The following TBCD variants were observed in gnomAD, a reference collection of about 807,000 sequenced individuals.
The protein encoded by TBCD is tubulin-specific chaperone D.
Under a neutral mutation model 169.3 loss-of-function variants are expected in TBCD, and 105 were observed. The observed-to-expected ratio is 0.62, with a 90% CI of 0.53 to 0.73. The LOEUF is 0.73. TBCD is among the 30% of genes least tolerant of loss of function. The pLI is 0.00. For missense variants in TBCD, 1,444 were observed against 1,600.1 expected (o/e 0.90, Z 1.66); for synonymous variants, 700 against 643.9 (o/e 1.09, Z -1.32).
intron 13 of TBCD, among the ~76,000 whole-genome samples, 191 bp from the exon 14 acceptor site, chr17:82,870,033 G>A (rs374286192): frequency 6.6e-6 from 1 of 152,156 alleles, no homozygotes; most frequent in South Asian, 2.1e-4. Flanking sequence ...TCTTCCTTTC[G>A]TAGGTTTGTT....
intron 23 of TBCD, among the ~76,000 whole-genome samples, chr17:82,914,739 C>CTG (rs10675262): frequency 0.08 from 12,145 of 152,226 alleles, 1,225 homozygotes; most frequent in African/African-American, 0.24. Flanking sequence ...CCAGGAGACT[C>CTG]TGGCCTGCAG....
intron 7 of TBCD, among the ~76,000 whole-genome samples, chr17:82,787,818 G>A (rs2049421730): frequency 6.6e-6 from 1 of 152,164 alleles, no homozygotes; most frequent in African/African-American, 2.4e-5. Flanking sequence ...CAAGTGTTTG[G>A]CAATGTAATT....
At position 82,831,769 on chromosome 17, in the gene TBCD, C is replaced by G. The variant is rs148428063; in HGVS notation, c.1318+16835C>G. ...GGGGTGCATGTAAGGGGAAATGGCCCCAAGCCCCTTTGTAGATGAGATTTT... is the reference window on the plus strand; with the variant it reads ...GGGGTGCATGTAAGGGGAAATGGCCGCAAGCCCCTTTGTAGATGAGATTTT... On this transcript the variant is annotated intron_variant, in intron 13 of 38. Transcript: ENST00000355528. The surrounding 1 kb of genome is among the most constrained non-coding windows in gnomAD (Gnocchi z 4.6). 6.2e-7 allele frequency: 1 copy of G among 1,614,110 alleles called. No individual in the cohort carries two copies. The highest frequency in any genetic ancestry group is 1.7e-5 in the Admixed American group (1 of 60,014).
intron 13 of TBCD, among the ~76,000 whole-genome samples, chr17:82,856,987 G>C (rs1329299022): frequency 2.0e-5 from 3 of 151,890 alleles, no homozygotes; most frequent in Non-Finnish European, 4.4e-5. Context: ...ATCCAGGGCG[G>C]GATCGCTGGA....
chr17:82,759,451 A>G (rs2047631187), intron 2 of TBCD, among the ~76,000 whole-genome samples: 1 of 151,960 alleles, frequency 6.6e-6, no homozygotes, highest in Non-Finnish European at 1.5e-5. Flanking sequence ...GTGCCACTGC[A>G]CTCCAGCGTG....
intron 38 of TBCD, chr17:82,941,773 G>T (rs2063302753): frequency 4.3e-6 from 2 of 461,654 alleles, no homozygotes; most frequent in African/African-American, 2.0e-5. Flanking sequence ...CTGGCCCTGG[G>T]GTCTGTTTGT....
At chr17:82,778,024 T>A (rs1333684760) in intron 6 of TBCD, among the ~76,000 whole-genome samples, 1 of 152,242 alleles carries the variant, frequency 6.6e-6, no homozygotes, top group Non-Finnish European at 1.5e-5. Context: ...CGCACTCTTG[T>A]CTTCTGGTCA....
chr17:82,772,445 C>CTT lies in TBCD; in HGVS notation c.583-6_583-5dup, dbSNP rs762336259. On this transcript the variant is annotated splice_region_variant and splice_polypyrimidine_tract_variant and intron_variant, in intron 5 of 38. Coordinates refer to ENST00000355528, the MANE Select transcript of TBCD (RefSeq NM_005993.5). ...TGACCGTGTCTGTGCTTCACCCTTTCTTGCAGTCCTACTTGATTGTCAGTG... is the reference window on the plus strand; with the variant it reads ...TGACCGTGTCTGTGCTTCACCCTTTCTTTTGCAGTCCTACTTGATTGTCAGTG... 3.0e-5 allele frequency: 48 copies of CTT among 1,613,822 alleles called. No homozygotes were observed. Among genetic ancestry groups the CTT allele is most frequent in the Non-Finnish European group, 2.3e-5 (27 of 1,179,890 alleles).
intron 16 of TBCD, among the ~76,000 whole-genome samples, chr17:82,891,188 C>T (rs1446334920): frequency 6.6e-6 from 1 of 152,266 alleles, no homozygotes; most frequent in African/African-American, 2.4e-5. Flanking sequence ...CTGAGCTGAC[C>T]AGCCTCCCTG....
chr17:82,774,038 C>CTTTTT (rs34066502), intron 6 of TBCD, among the ~76,000 whole-genome samples: 1 of 138,536 alleles, frequency 7.2e-6, no homozygotes, highest in African/African-American at 2.7e-5. Flanking sequence ...CCGAGTGTGT[C>CTTTTT]TTTTTTTTTT....
At chr17:82,777,461 ATAT>A (rs1210128715) in intron 6 of TBCD, among the ~76,000 whole-genome samples, 1 of 152,190 alleles carries the variant, frequency 6.6e-6, no homozygotes, top group Non-Finnish European at 1.5e-5. Context: ...GGCTGCACTG[ATAT>A]TATTGGATAC....
Position 82,943,269 on chromosome 17 carries a change from C to G in TBCD, c.*806C>G, listed in dbSNP as rs2063458134. 1 of 152,308 alleles carries G rather than the reference C, an allele frequency of 6.6e-6. No homozygotes were observed. Among genetic ancestry groups the G allele is most frequent in the South Asian group, 2.1e-4 (1 of 4,830 alleles). 9.4% of individuals were successfully genotyped at this position (152,308 alleles called of 1,614,324 possible). A position where few individuals can be genotyped will look rare whatever the true frequency, so the allele number is the denominator to read the frequency against. ...CAGGAGGCTACCTTTGTCTCTGTGT[C>G]TGAGCTCGTGCTGATCCATCCCAAA... On this transcript the variant is annotated 3_prime_UTR_variant, in exon 39 of 39. Transcript: ENST00000355528.
At chr17:82,753,419 C>T (rs2143730998) in intron 1 of TBCD, among the ~76,000 whole-genome samples, 1 of 146,766 alleles carries the variant, frequency 6.8e-6, no homozygotes, top group South Asian at 2.2e-4. Flanking sequence ...ATTTTTTGTT[C>T]CTGGTGTAAC....
chr17:82,872,932 TTCTGAGCCAGGCCCGGCACCTCGTGGCC>T (rs1423037921), intron 14 of TBCD, among the ~76,000 whole-genome samples: 4 of 143,782 alleles, frequency 2.8e-5, no homozygotes, highest in East Asian at 2.0e-4. Flanking sequence ...GGCCGACGGC[TTCTGAGCCAGGCCCGGCACCTCGTGGCC>T]GACGGCTTCT....
chr17:82,900,217 C>G (rs866412924), intron 17 of TBCD, among the ~76,000 whole-genome samples: 9 of 152,286 alleles, frequency 5.9e-5, no homozygotes, highest in African/African-American at 2.2e-4. Flanking sequence ...ACCCTGAGGC[C>G]CCTGATCTGC....
rs922915456 is a variant in TBCD at position 82,806,741 on chromosome 17, C to T, written c.1087+730C>T. Among the ~76,000 whole-genome samples, 4 of 152,164 alleles carry T rather than the reference C, an allele frequency of 2.6e-5. No homozygotes were observed. Among genetic ancestry groups the T allele is most frequent in the African/African-American group, 4.8e-5 (2 of 41,436 alleles). On this transcript the variant is annotated intron_variant, in intron 10 of 38. Transcript: ENST00000355528. The surrounding 1 kb of genome is among the most constrained non-coding windows in gnomAD (Gnocchi z 5.1). ...GGGCAGGTTTCTCCCCAGTCATCTG[C>T]ACCCCACCTCGACCGTGACCATCAG...
chr17:82,868,846 T>C (rs1405270114), intron 13 of TBCD, among the ~76,000 whole-genome samples: 1 of 152,212 alleles, frequency 6.6e-6, no homozygotes, highest in Non-Finnish European at 1.5e-5. Flanking sequence ...TCAGACTGTG[T>C]GTAGTGTTAG....
chr17:82,847,556 G>A (rs1173817379), intron 13 of TBCD, among the ~76,000 whole-genome samples: 1 of 152,036 alleles, frequency 6.6e-6, no homozygotes, highest in Non-Finnish European at 1.5e-5. Context: ...AGTAGTGGAG[G>A]GCTTTATTTG....
At chr17:82,805,421 G>A (rs1181364675) in intron 9 of TBCD, among the ~76,000 whole-genome samples, 4 of 152,226 alleles carry the variant, frequency 2.6e-5, no homozygotes, top group Non-Finnish European at 4.4e-5. Context: ...GCATTCGGGA[G>A]GCAGGATCTG....
Sources: gnomAD v4.1 joint callset for allele counts (sites outside exome capture counted in the v4.1 genomes callset) on GRCh38, gnomAD v4.1.1 for gene constraint, Gnocchi (gnomAD v3.1) non-coding constraint, MANE v1.5 for transcripts, NCBI Gene and HGNC (gene_info 2026-07-23, HGNC 2026-07-21) for gene names.